KANSL1: variants seen among roughly 807,000 people sequenced by gnomAD.
KANSL1 encodes the protein MLL1/MLL complex subunit KANSL1.
KANSL1 carries 22 observed loss-of-function variants against 103.6 expected under a neutral mutation model. The ratio of observed to expected loss-of-function variants is 0.21; its 90% CI spans 0.15 to 0.30. The LOEUF (loss-of-function observed/expected upper bound fraction) is 0.30, where lower values mean the gene tolerates loss of function less well. KANSL1 is among the 10% of genes least tolerant of loss of function. The pLI is 1.00. For synonymous variants in KANSL1, 600 were observed against 527.6 expected, an observed-to-expected ratio of 1.14 and a Z score of -1.88; for missense variants, 1,337 against 1,399.8, an observed-to-expected ratio of 0.96 and a Z score of 0.72.
At chr17:46,090,911 T>C (rs1190723353) in intron 3 of KANSL1, among the ~76,000 whole-genome samples, 1 of 151,072 alleles carries the variant, frequency 6.6e-6, no homozygotes, top group Non-Finnish European at 1.5e-5. Flanking sequence ...AAAAGCTATG[T>C]TACTGTTACA....
intron 2 of KANSL1, among the ~76,000 whole-genome samples, chr17:46,096,776 G>A (rs537837157): frequency 2.0e-5 from 3 of 151,922 alleles, no homozygotes; most frequent in Non-Finnish European, 2.9e-5. Flanking sequence ...CCACCACCAC[G>A]CCTGGCTAAT....
intron 1 of KANSL1, among the ~76,000 whole-genome samples, chr17:46,219,657 C>T (rs1181895265): frequency 3.9e-5 from 6 of 152,266 alleles, no homozygotes; most frequent in African/African-American, 9.6e-5. Flanking sequence ...TGAGCCATCG[C>T]GTCTGGCCAA....
intron 1 of KANSL1, 95 bp from the exon 2 acceptor site, chr17:46,172,327 A>G (rs994692458): frequency 2.0e-4 from 129 of 658,008 alleles, no homozygotes; most frequent in Non-Finnish European, 3.0e-4. Flanking sequence ...TGTTGTCTAA[A>G]CTGCCTCCAG....
Position 46,066,615 on chromosome 17 carries a change from T to G in KANSL1, c.1770A>C (p.Ala590=), listed in dbSNP as rs1286489674. The change falls in exon 6 of 15, where the codon GCA becomes GCC. Residue 590 remains alanine (A), a synonymous_variant. Coordinates refer to ENST00000432791, the MANE Select transcript of KANSL1 (RefSeq NM_015443.4). ...VSSSSDGTCV[A]ARTRPVLSCK... is the part of the protein sequence containing the mutation. ...AGCTCAGTACAGGACGTGTCCGGGC[T>G]GCCACACAGGTGCCATCAGATGATG... 1 of 1,614,184 alleles carries G rather than the reference T, an allele frequency of 6.2e-7. No homozygotes were observed. Among genetic ancestry groups the G allele is most frequent in the Admixed American group, 1.7e-5 (1 of 60,028 alleles).
intron 2 of KANSL1, among the ~76,000 whole-genome samples, chr17:46,142,677 A>G (rs1417296581): frequency 6.6e-6 from 1 of 152,238 alleles, no homozygotes; most frequent in Non-Finnish European, 1.5e-5. Context: ...TACTTTCCCA[A>G]TGCAAATTTA....
chr17:46,183,257 G>A (rs894633592), intron 1 of KANSL1, among the ~76,000 whole-genome samples: 4 of 151,814 alleles, frequency 2.6e-5, no homozygotes, highest in Non-Finnish European at 5.9e-5. Flanking sequence ...ATCTAAAAAA[G>A]CCACCCAAAC....
At chr17:46,081,001 A>C (rs2078970206) in intron 4 of KANSL1, among the ~76,000 whole-genome samples, 1 of 152,180 alleles carries the variant, frequency 6.6e-6, no homozygotes. Context: ...TTAACACACA[A>C]GTAAATGAAT....
chr17:46,197,128 G>C (rs377070289), upstream of KANSL1, among the ~76,000 whole-genome samples: 6 of 151,978 alleles, frequency 3.9e-5, no homozygotes, highest in East Asian at 1.9e-4. Flanking sequence ...AAAAGAAAAA[G>C]AAAGGAAGGG....
At chr17:46,072,730 GGGCTATGTGCCTCACTTTCC>G (rs1243953992) in intron 4 of KANSL1, among the ~76,000 whole-genome samples, 7 of 152,014 alleles carry the variant, frequency 4.6e-5, no homozygotes, top group African/African-American at 1.7e-4. Flanking sequence ...TGCCTATGTG[GGGCTATGTGCCTCACTTTCC>G]GGCTTCTGCA....
At chr17:46,146,066 T>C (rs1255322936) in intron 2 of KANSL1, among the ~76,000 whole-genome samples, 1 of 152,212 alleles carries the variant, frequency 6.6e-6, no homozygotes, top group Non-Finnish European at 1.5e-5. Context: ...CTCATTCTTT[T>C]GTTCTCTACT....
chr17:46,148,059 A>T (rs1361881108), intron 2 of KANSL1: 1 of 152,238 alleles, frequency 6.6e-6, no homozygotes, highest in Non-Finnish European at 1.5e-5. Flanking sequence ...AAAAGTTATA[A>T]GACTTTAAAG....
At chr17:46,131,603 A>G (rs2043864171) in intron 2 of KANSL1, among the ~76,000 whole-genome samples, 1 of 152,242 alleles carries the variant, frequency 6.6e-6, no homozygotes, top group African/African-American at 2.4e-5. Context: ...CAATGTGAAC[A>G]GTATTCTGCT....
At chr17:46,038,870 A>T in intron 9 of KANSL1, 157 bp downstream of exon 9, 1 of 1,136,492 alleles carries the variant, frequency 8.8e-7, no homozygotes, top group Non-Finnish European at 1.3e-6. Flanking sequence ...TGTAGCAGTT[A>T]AGAAGTGACC....
At chr17:46,134,765 A>T (rs984072205) in intron 2 of KANSL1, among the ~76,000 whole-genome samples, 1 of 151,880 alleles carries the variant, frequency 6.6e-6, no homozygotes, top group Non-Finnish European at 1.5e-5. Flanking sequence ...GAATCACTTC[A>T]ATCTGGAAGG....
intron 1 of KANSL1, among the ~76,000 whole-genome samples, chr17:46,187,602 A>T (rs2047092532): frequency 6.6e-6 from 1 of 152,266 alleles, no homozygotes; most frequent in Non-Finnish European, 1.5e-5. Flanking sequence ...CAACAATAAA[A>T]TACACAGCTA....
rs34473927 is a variant in KANSL1, at chr17:46,052,964, C to CAAAAAAA, written c.1849-2267_1849-2261dup. Among the ~76,000 whole-genome samples, 23 of 32,998 alleles carry CAAAAAAA rather than the reference C, an allele frequency of 7.0e-4. 1 individual carries two copies. The highest frequency in any genetic ancestry group is 2.4e-3 in the East Asian group (3 of 1,238). 21.6% of individuals were successfully genotyped at this position (32,998 alleles called of 152,430 possible). On this transcript the variant is annotated intron_variant, in intron 6 of 14. Coordinates refer to ENST00000432791, the MANE Select transcript of KANSL1 (RefSeq NM_015443.4). ...GGGAAAAAGAGTAAGATCCTGTCTC[C>CAAAAAAA]AAAAAAAAAAAAAAAAAAAAAAAAA...
intron 4 of KANSL1, among the ~76,000 whole-genome samples, chr17:46,078,586 A>G (rs1234022501): frequency 6.6e-6 from 1 of 152,204 alleles, no homozygotes; most frequent in Non-Finnish European, 1.5e-5. Context: ...AGCAGTGACT[A>G]TTGAATTCTA....
At chr17:46,060,063 T>C (rs1206209881) in intron 6 of KANSL1, among the ~76,000 whole-genome samples, 1 of 152,192 alleles carries the variant, frequency 6.6e-6, no homozygotes, top group Non-Finnish European at 1.5e-5. Context: ...CACGTTCCCT[T>C]AATTAATACT....
intron 1 of KANSL1, among the ~76,000 whole-genome samples, chr17:46,221,017 A>G (rs1345726968): frequency 1.4e-5 from 2 of 147,418 alleles, no homozygotes; most frequent in African/African-American, 5.0e-5. Context: ...TTTTTTGCAT[A>G]CATACACCAA....
Sources: gnomAD v4.1 joint callset for allele counts (sites outside exome capture counted in the v4.1 genomes callset) on GRCh38, gnomAD v4.1.1 for gene constraint, MANE v1.5 for transcripts, NCBI Gene and HGNC (gene_info 2026-07-23, HGNC 2026-07-21) for gene names.